STOX2: variants seen among roughly 807,000 people sequenced by gnomAD.
STOX2 encodes the protein storkhead-box protein 2.
A neutral mutation model predicts 60.9 loss-of-function variants in STOX2; 28 were observed. The observed-to-expected ratio is 0.46, with a 90% CI of 0.34 to 0.63. STOX2 has a LOEUF of 0.63. Among genes scored for constraint, STOX2 ranks in the 30% least tolerant of loss-of-function variants. STOX2 has a pLI of 0.01. For missense variants in STOX2, 1,024 were observed against 1,187.7 expected (o/e 0.86, Z 2.03); for synonymous variants, 472 against 463.9 (o/e 1.02, Z -0.22).
chr4:183,861,412 C>A (rs778282670), intron 1 of STOX2, among the ~76,000 whole-genome samples: 22 of 152,170 alleles, frequency 1.4e-4, no homozygotes, highest in South Asian at 1.2e-3. Flanking sequence ...TTCATAGATA[C>A]CCAGGAAGAG....
rs1560943073 is a variant in STOX2 at position 184,010,778 on chromosome 4, C to G, written c.1940C>G (p.Ser647Cys). 1.3e-6 allele frequency: 2 copies of G among 1,581,058 alleles called. No homozygotes were observed. The highest frequency in any genetic ancestry group is 8.6e-7 in the Non-Finnish European group (1 of 1,164,660). ...TCTGATAGGCAGGTCCCCCACTCCT[C>G]CAGGGAGCCTGTGGGGCACAAGGAG... ...SPSDRQVPHSSREPVGHKEES... is the reference protein window; with the variant it reads ...SPSDRQVPHSCREPVGHKEES... The change falls in exon 3 of 4, where the codon TCC becomes TGC. Residue 647 changes from serine to cysteine, a missense_variant. Coordinates refer to ENST00000308497, the MANE Select transcript of STOX2 (RefSeq NM_020225.3). The surrounding 1 kb of genome is among the most constrained non-coding windows in gnomAD (Gnocchi z 4.5).
chr4:183,806,964 G>C lies in STOX2; in HGVS notation c.364+8909G>C, dbSNP rs1291247244. 8.8e-6 allele frequency among the ~76,000 whole-genome samples: 1 copy of C among 113,930 alleles called. No homozygotes were observed. Among genetic ancestry groups the C allele is most frequent in the Non-Finnish European group, 1.8e-5 (1 of 56,880 alleles). The allele number at this position is 113,930 out of a possible 152,430, so 74.7% of individuals were successfully genotyped here. ...CCTTTGTGAGTCCCAGATGCTTTCT[G>C]ACACTTTCTTTTTTTCTTTTTTTTT... On this transcript the variant is annotated intron_variant, in intron 1 of 2. Transcript: ENST00000513034. The surrounding 1 kb of genome is among the most constrained non-coding windows in gnomAD (Gnocchi z 4.1).
chr4:183,844,026 T>C (rs1434337197), intron 1 of STOX2, among the ~76,000 whole-genome samples: 1 of 152,238 alleles, frequency 6.6e-6, no homozygotes, highest in Non-Finnish European at 1.5e-5. Flanking sequence ...CCAGTGTTCT[T>C]CTACCCAATC....
Position 183,865,570 on chromosome 4 carries a change from G to GGAA in STOX2, c.364+67516_364+67518dup, listed in dbSNP as rs1740544783. 1.3e-5 allele frequency among the ~76,000 whole-genome samples: 2 copies of GGAA among 152,206 alleles called. No homozygotes were observed. Among genetic ancestry groups the GGAA allele is most frequent in the Non-Finnish European group, 2.9e-5 (2 of 68,042 alleles). On this transcript the variant is annotated intron_variant, in intron 1 of 2. Transcript: ENST00000513034. This position sits in a 1 kb window ranked among gnomAD's most constrained non-coding sequence, Gnocchi z 4.1. ...GTATCAAAAAGCATTATAGGATACA[G>GGAA]GAATGAGGATGGCTAATTTCAGGTG...
rs549818715 is a variant in STOX2 at position 183,867,521 on chromosome 4, A to G, written c.364+69466A>G. 3.3e-4 allele frequency among the ~76,000 whole-genome samples: 50 copies of G among 152,320 alleles called. No individual in the cohort carries two copies. In the South Asian group the frequency reaches 0.01, roughly 31 times the overall value. ...TTTGTTCTTGGTCCCTTCATCATTAAAAGCATATTAAAGTGTCATAGTCAC... is the reference window on the plus strand; with the variant it reads ...TTTGTTCTTGGTCCCTTCATCATTAGAAGCATATTAAAGTGTCATAGTCAC... On this transcript the variant is annotated intron_variant, in intron 1 of 2. Coordinates refer to the STOX2 transcript ENST00000513034.
intron 1 of STOX2, among the ~76,000 whole-genome samples, chr4:183,954,742 T>TTATTTA (rs1266397883): frequency 6.6e-6 from 1 of 152,178 alleles, no homozygotes; most frequent in African/African-American, 2.4e-5. Context: ...ATTTATTTAT[T>TTATTTA]TATTTATGTA....
At chr4:183,847,881 T>A (rs1740023165) in intron 1 of STOX2, among the ~76,000 whole-genome samples, 1 of 152,232 alleles carries the variant, frequency 6.6e-6, no homozygotes, top group Admixed American at 6.5e-5. Context: ...ACATGTGCCT[T>A]ACAAATAGTG....
chr4:183,810,809 C>CA (rs1739017920), intron 1 of STOX2, among the ~76,000 whole-genome samples: 1 of 152,040 alleles, frequency 6.6e-6, no homozygotes, highest in Non-Finnish European at 1.5e-5. Flanking sequence ...TTGGACTTCC[C>CA]AGCCTCCAGA....
At chr4:183,975,210 G>A (rs1288767986) in intron 1 of STOX2, among the ~76,000 whole-genome samples, 2 of 151,812 alleles carry the variant, frequency 1.3e-5, no homozygotes, top group African/African-American at 4.8e-5. Flanking sequence ...GAAATATGGA[G>A]GATTAAACCC....
chr4:183,883,322 A>AT (rs11458747), intron 1 of STOX2, among the ~76,000 whole-genome samples: 3,569 of 148,264 alleles, frequency 0.024, 131 homozygotes, highest in African/African-American at 0.082. Context: ...CATGTTATAA[A>AT]TTTTTTTTTT....
chr4:184,001,253 C>G lies in STOX2; in HGVS notation c.167-72C>G. Reference sequence around the variant, plus strand: ...TCGTCAGACCAGGGCCAGATGGACGCGTGAAGGCGTGTGTCTGACAGATGA... The same window carrying G: ...TCGTCAGACCAGGGCCAGATGGACGGGTGAAGGCGTGTGTCTGACAGATGA... On this transcript the variant is annotated intron_variant, in intron 1 of 3. Transcript: ENST00000308497. The surrounding 1 kb of genome is among the most constrained non-coding windows in gnomAD (Gnocchi z 4.2). 1 of 1,482,554 alleles carries G rather than the reference C, an allele frequency of 6.7e-7. No homozygotes were observed. The highest frequency in any genetic ancestry group is 1.8e-4 in the Middle Eastern group (1 of 5,672). The allele number at this position is 1,482,554 out of a possible 1,614,324, so 91.8% of individuals were successfully genotyped here.
At chr4:183,833,148 T>G (rs1489407734) in intron 1 of STOX2, among the ~76,000 whole-genome samples, 1 of 152,222 alleles carries the variant, frequency 6.6e-6, no homozygotes, top group Non-Finnish European at 1.5e-5. Context: ...TCTTTCTAAA[T>G]TCAGTGACAG....
In STOX2 at chr4:184,011,615, A is replaced by G; in HGVS notation, c.2585+192A>G. The G allele has an allele frequency of 1.3e-6, 2 of 1,522,774 alleles. No individual in the cohort carries two copies. The highest frequency in any genetic ancestry group is 1.8e-6 in the Non-Finnish European group (2 of 1,139,142). 94.3% of individuals were successfully genotyped at this position (1,522,774 alleles called of 1,614,324 possible). A position where few individuals can be genotyped will look rare whatever the true frequency, so the allele number is the denominator to read the frequency against. ...TTGAAAAAAATGTTTCTGCACCTGTAGAGATCACCAATCTGGACTGGTGGG... is the reference window on the plus strand; with the variant it reads ...TTGAAAAAAATGTTTCTGCACCTGTGGAGATCACCAATCTGGACTGGTGGG... On this transcript the variant is annotated intron_variant, in intron 3 of 3. Transcript: ENST00000308497. The surrounding 1 kb of genome is among the most constrained non-coding windows in gnomAD (Gnocchi z 4.4).
At position 183,984,482 on chromosome 4, in the gene STOX2, G is replaced by A. The variant is rs1411924537; in HGVS notation, c.167-16843G>A. Among the ~76,000 whole-genome samples, 9 of 152,186 alleles carry A rather than the reference G, an allele frequency of 5.9e-5. No individual in the cohort carries two copies. In the East Asian group the frequency reaches 1.7e-3, roughly 29 times the overall value. On this transcript the variant is annotated intron_variant, in intron 1 of 3. Transcript: ENST00000308497. ...TTGTCCATGAGAGAGTGTGCACCAA[G>A]GTTTGTATACTCCATATGTACACAA...
chr4:183,909,788 T>C (rs1363659169), intron 1 of STOX2, among the ~76,000 whole-genome samples: 1 of 152,184 alleles, frequency 6.6e-6, no homozygotes, highest in East Asian at 1.9e-4. Context: ...TTTCAAACAG[T>C]CTTTTCTCCA....
intron 1 of STOX2, among the ~76,000 whole-genome samples, chr4:183,990,276 C>T (rs1379896137): frequency 6.6e-6 from 1 of 152,194 alleles, no homozygotes; most frequent in East Asian, 1.9e-4. Flanking sequence ...TCCCTAATCA[C>T]CCCAACAGGA....
chr4:183,918,712 G>A (rs910380115), intron 1 of STOX2, among the ~76,000 whole-genome samples: 2 of 152,222 alleles, frequency 1.3e-5, no homozygotes, highest in Non-Finnish European at 2.9e-5. Context: ...GGTCAGCACG[G>A]CCTCTGGGTT....
chr4:183,998,615 C>G (rs946835208), intron 1 of STOX2, among the ~76,000 whole-genome samples: 1 of 152,034 alleles, frequency 6.6e-6, no homozygotes, highest in African/African-American at 2.4e-5. Flanking sequence ...AATCTCAGCT[C>G]ACCGTAGCCT....
rs1293691040 is a variant in STOX2 at position 183,856,821 on chromosome 4, AT to A, written c.364+58774del. ...CATATATATTAATGTGTGTAGCTTT[AT>A]TTTTTTTGACACTTACCCTATGGGA... On this transcript the variant is annotated intron_variant, in intron 1 of 2. Transcript: ENST00000513034. This position sits in a 1 kb window ranked among gnomAD's most constrained non-coding sequence, Gnocchi z 4.0. Among the ~76,000 whole-genome samples, 4 of 151,948 alleles carry A rather than the reference AT, an allele frequency of 2.6e-5. No homozygotes were observed. The highest frequency in any genetic ancestry group is 5.9e-5 in the Non-Finnish European group (4 of 67,978).
Sources: allele counts gnomAD v4.1 joint callset (sites outside exome capture counted in the v4.1 genomes callset), GRCh38; gene constraint gnomAD v4.1.1; non-coding constraint Gnocchi (gnomAD v3.1); transcripts MANE v1.5; gene names NCBI Gene and HGNC (gene_info 2026-07-23, HGNC 2026-07-21).